Variants in UNC5C observed in about 807,000 individuals in gnomAD.
UNC5C encodes the protein unc-5 netrin receptor C.
UNC5C carries 47 observed loss-of-function variants against 99.8 expected under a neutral mutation model. That is an observed-to-expected ratio of 0.47 (90% CI 0.37 to 0.60). UNC5C has a LOEUF of 0.60. Ranked by LOEUF, UNC5C falls within the 20% of genes least tolerant of loss-of-function variation. The pLI is 0.00. For synonymous variants in UNC5C, 487 were observed against 452.2 expected, an observed-to-expected ratio of 1.08 and a Z score of -0.98; for missense variants, 1,062 against 1,165.9, an observed-to-expected ratio of 0.91 and a Z score of 1.30.
chr4:95,242,897 T>A (rs192110788), intron 6 of UNC5C, among the ~76,000 whole-genome samples: 84 of 152,302 alleles, frequency 5.5e-4, no homozygotes, highest in African/African-American at 1.9e-3. Context: ...TCCCTTTTCC[T>A]ATTAATGGGG....
chr4:95,505,358 A>G (rs1156772734), intron 1 of UNC5C, among the ~76,000 whole-genome samples: 1 of 152,096 alleles, frequency 6.6e-6, no homozygotes, highest in Non-Finnish European at 1.5e-5. Context: ...AACTGTGGAA[A>G]CATTTCAGCA....
intron 2 of UNC5C, among the ~76,000 whole-genome samples, chr4:95,319,830 T>A (rs1742614039): frequency 6.6e-6 from 1 of 152,110 alleles, no homozygotes; most frequent in African/African-American, 2.4e-5. Context: ...GAGAGAGAAA[T>A]AGCATCAAGA....
At chr4:95,472,589 T>A (rs1748004653) in intron 1 of UNC5C, among the ~76,000 whole-genome samples, 1 of 152,106 alleles carries the variant, frequency 6.6e-6, no homozygotes, top group African/African-American at 2.4e-5. Flanking sequence ...GCAGCCTCAT[T>A]TCACTGAAGC....
chr4:95,422,196 A>G (rs1302312467), intron 1 of UNC5C, among the ~76,000 whole-genome samples: 1 of 152,174 alleles, frequency 6.6e-6, no homozygotes, highest in Non-Finnish European at 1.5e-5. Flanking sequence ...AATTTCCTGG[A>G]TTGTCTGCAT....
intron 7 of UNC5C, among the ~76,000 whole-genome samples, chr4:95,227,314 C>T (rs1738736730): frequency 6.6e-6 from 1 of 151,124 alleles, no homozygotes; most frequent in Admixed American, 6.6e-5. Flanking sequence ...CACACCCAGG[C>T]TATTTAAAAA....
chr4:95,386,689 T>C (rs6532555), intron 1 of UNC5C, among the ~76,000 whole-genome samples: 114,867 of 152,132 alleles, frequency 0.76, 44,193 homozygotes, highest in East Asian at 0.94. Flanking sequence ...TGCTAGTCTC[T>C]CTCAGGGGCA....
chr4:95,545,567 T>C (rs1034747532), intron 1 of UNC5C, among the ~76,000 whole-genome samples: 2 of 152,130 alleles, frequency 1.3e-5, no homozygotes, highest in South Asian at 2.1e-4. Flanking sequence ...AAAAAAACTA[T>C]GAATTAAGAT....
At chr4:95,237,298 T>C (rs1024817273) in intron 7 of UNC5C, among the ~76,000 whole-genome samples, 3 of 152,190 alleles carry the variant, frequency 2.0e-5, no homozygotes, top group African/African-American at 7.2e-5. Context: ...GGTCAAAGGG[T>C]ATGATAACTT....
chr4:95,339,915 T>G (rs1743499152), intron 1 of UNC5C, among the ~76,000 whole-genome samples: 1 of 152,108 alleles, frequency 6.6e-6, no homozygotes, highest in Non-Finnish European at 1.5e-5. Flanking sequence ...CTATTATTCA[T>G]TTTACCCTCC....
At chr4:95,412,625 C>A (rs1486178037) in intron 1 of UNC5C, among the ~76,000 whole-genome samples, 4 of 152,200 alleles carry the variant, frequency 2.6e-5, no homozygotes, top group African/African-American at 9.6e-5. Flanking sequence ...AGTCAATTGT[C>A]TCCCCCACAA....
intron 3 of UNC5C, among the ~76,000 whole-genome samples, chr4:95,286,846 G>A (rs2865427): frequency 0.66 from 99,602 of 151,586 alleles, 33,674 homozygotes; most frequent in African/African-American, 0.83. Context: ...ACTAACAGAA[G>A]TTGGTAATAT....
At chr4:95,264,555 A>T (rs1260680027) in intron 4 of UNC5C, among the ~76,000 whole-genome samples, 3 of 152,160 alleles carry the variant, frequency 2.0e-5, no homozygotes, top group African/African-American at 7.2e-5. Context: ...CTTCTAACCT[A>T]AAAACAAACC....
intron 1 of UNC5C, among the ~76,000 whole-genome samples, chr4:95,400,469 T>A (rs1407939888): frequency 1.5e-5 from 2 of 132,958 alleles, no homozygotes; most frequent in African/African-American, 5.6e-5. Context: ...CTCGGCTCAC[T>A]GCAAGCTCCG....
intron 1 of UNC5C, among the ~76,000 whole-genome samples, chr4:95,461,103 T>C (rs965004478): frequency 6.6e-6 from 1 of 152,234 alleles, no homozygotes; most frequent in African/African-American, 2.4e-5. Context: ...TTGACAATGA[T>C]AGTTATTCTG....
At chr4:95,231,113 C>A (rs1014991158) in intron 7 of UNC5C, among the ~76,000 whole-genome samples, 1 of 152,048 alleles carries the variant, frequency 6.6e-6, no homozygotes, top group Non-Finnish European at 1.5e-5. Flanking sequence ...AGATATGGTA[C>A]TTTTTATGCC....
chr4:95,225,088 G>T (rs746608485), intron 7 of UNC5C, among the ~76,000 whole-genome samples: 4 of 152,142 alleles, frequency 2.6e-5, no homozygotes, highest in Admixed American at 6.5e-5. Context: ...GAGGAGTCTT[G>T]CTCTGTCACC....
chr4:95,220,976 C>G (rs1008674907), intron 7 of UNC5C, among the ~76,000 whole-genome samples: 2 of 152,158 alleles, frequency 1.3e-5, no homozygotes, highest in African/African-American at 4.8e-5. Context: ...TCAGAAAGTT[C>G]AGACTACCCC....
At chr4:95,533,313 T>G (rs1291003583) in intron 1 of UNC5C, among the ~76,000 whole-genome samples, 1 of 151,900 alleles carries the variant, frequency 6.6e-6, no homozygotes, top group African/African-American at 2.4e-5. Flanking sequence ...GAAGAATTGC[T>G]TGAAACCGGA....
chr4:95,261,212 G>A (rs958555487), intron 4 of UNC5C, among the ~76,000 whole-genome samples: 1 of 152,126 alleles, frequency 6.6e-6, no homozygotes, highest in Non-Finnish European at 1.5e-5. Flanking sequence ...GGTTGAGGCT[G>A]TCCTCAGGCT....
Sources: gnomAD v4.1 joint callset for allele counts (sites outside exome capture counted in the v4.1 genomes callset) on GRCh38, gnomAD v4.1.1 for gene constraint, MANE v1.5 for transcripts, NCBI Gene and HGNC (gene_info 2026-07-23, HGNC 2026-07-21) for gene names.